The following CSMD1 variants were observed in gnomAD, a reference collection of about 807,000 sequenced individuals.
The protein encoded by CSMD1 is CUB and sushi domain-containing protein 1.
In CSMD1, 213 loss-of-function variants were observed where a neutral mutation model predicts 417.5. That is an observed-to-expected ratio of 0.51 (90% confidence interval 0.46 to 0.57). CSMD1 has a LOEUF of 0.57. CSMD1 is among the 20% of genes least tolerant of loss of function. The pLI is 0.00. For missense variants in CSMD1, 6,923 were observed against 4,529.7 expected (o/e 1.53, Z -15.17); for synonymous variants, 2,862 against 1,736.8 (o/e 1.65, Z -16.11).
intron 6 of CSMD1, among the ~76,000 whole-genome samples, chr8:3,729,939 AAAAAAAAAAAAAAAAAAAAAAAC>A (rs1457309680): frequency 0.01 from 495 of 48,986 alleles, 51 homozygotes; most frequent in South Asian, 0.089. Flanking sequence ...AAAAAAAAAA[AAAAAAAAAAAAAAAAAAAAAAAC>A]AAAAACAGAA....
At chr8:4,173,756 A>T (rs1381748670) in intron 3 of CSMD1, among the ~76,000 whole-genome samples, 2 of 152,078 alleles carry the variant, frequency 1.3e-5, no homozygotes, top group African/African-American at 4.8e-5. Context: ...ACTTATTTTC[A>T]ATATTAAAAG....
chr8:3,039,856 A>G (rs1350034425), intron 50 of CSMD1, among the ~76,000 whole-genome samples: 2 of 152,232 alleles, frequency 1.3e-5, no homozygotes, highest in Non-Finnish European at 2.9e-5. Flanking sequence ...GCCAAATATC[A>G]GCATTCATAT....
At chr8:3,978,364 C>T (rs941697243) in intron 5 of CSMD1, among the ~76,000 whole-genome samples, 4 of 152,178 alleles carry the variant, frequency 2.6e-5, no homozygotes, top group African/African-American at 9.7e-5. Flanking sequence ...ATAATTTTTA[C>T]ATCTTATTTA....
At chr8:3,812,753 C>A (rs957546481) in intron 5 of CSMD1, among the ~76,000 whole-genome samples, 3 of 152,136 alleles carry the variant, frequency 2.0e-5, no homozygotes, top group African/African-American at 7.2e-5. Context: ...CAAGTCTTGC[C>A]TATTTTAATT....
chr8:4,550,161 C>T (rs770965996), intron 2 of CSMD1, among the ~76,000 whole-genome samples: 1 of 151,814 alleles, frequency 6.6e-6, no homozygotes, highest in Non-Finnish European at 1.5e-5. Flanking sequence ...TGACGAAGGT[C>T]TCAGCAAAAG....
At position 4,136,298 on chromosome 8, in the gene CSMD1, T is replaced by A. The variant is rs1411544109; in HGVS notation, c.416-104199A>T. On this transcript the variant is annotated intron_variant, in intron 3 of 69. Coordinates refer to ENST00000635120, the MANE Select transcript of CSMD1 (RefSeq NM_033225.6). Reference sequence around the variant, plus strand: ...AGGAACACACAGGGACCATCTTTTTTTAGCTTCCAGATTTTATCACTATCT... The same window carrying A: ...AGGAACACACAGGGACCATCTTTTTATAGCTTCCAGATTTTATCACTATCT... Among the ~76,000 whole-genome samples, 4 of 152,338 alleles carry A rather than the reference T, an allele frequency of 2.6e-5. No individual in the cohort carries two copies. In the South Asian group the frequency reaches 6.2e-4, roughly 24 times the overall value.
At chr8:3,569,720 T>C (rs1280952770) in intron 10 of CSMD1, among the ~76,000 whole-genome samples, 1 of 152,200 alleles carries the variant, frequency 6.6e-6, no homozygotes, top group Non-Finnish European at 1.5e-5. Context: ...TTGGAATGTC[T>C]CCCAAGGAAT....
chr8:4,439,859 G>C (rs779432149), intron 2 of CSMD1, among the ~76,000 whole-genome samples: 1 of 152,146 alleles, frequency 6.6e-6, no homozygotes. Flanking sequence ...TCGAAAGATA[G>C]GATGGTGTAA....
chr8:3,061,123 T>C (rs1053770456), intron 49 of CSMD1, among the ~76,000 whole-genome samples: 3 of 152,188 alleles, frequency 2.0e-5, no homozygotes, highest in African/African-American at 7.2e-5. Context: ...AAGTCTGAGT[T>C]TGGTATTTGT....
At chr8:4,931,230 T>G (rs778821900) in intron 1 of CSMD1, among the ~76,000 whole-genome samples, 4 of 152,194 alleles carry the variant, frequency 2.6e-5, no homozygotes, top group Non-Finnish European at 4.4e-5. Context: ...TTTTTTAGAA[T>G]ATTGTTTTCT....
chr8:3,064,130 C>T (rs757056237), intron 49 of CSMD1, among the ~76,000 whole-genome samples: 9 of 152,214 alleles, frequency 5.9e-5, no homozygotes, highest in Non-Finnish European at 1.2e-4. Context: ...TCTTAGAGGA[C>T]ACAGGTTACT....
chr8:3,663,911 T>C (rs1798549369), intron 7 of CSMD1, among the ~76,000 whole-genome samples: 1 of 152,180 alleles, frequency 6.6e-6, no homozygotes, highest in African/African-American at 2.4e-5. Context: ...CTTTCTAAAT[T>C]AACTGAGTCA....
At chr8:3,311,143 G>T (rs1805312354) in intron 23 of CSMD1, among the ~76,000 whole-genome samples, 1 of 152,094 alleles carries the variant, frequency 6.6e-6, no homozygotes, top group South Asian at 2.1e-4. Flanking sequence ...CCATAAATAT[G>T]CTTAGGACAG....
intron 3 of CSMD1, among the ~76,000 whole-genome samples, chr8:4,338,203 T>C (rs1380803157): frequency 6.6e-6 from 1 of 152,164 alleles, no homozygotes; most frequent in South Asian, 2.1e-4. Context: ...AGATTAGAGA[T>C]GCATGTCATA....
intron 3 of CSMD1, among the ~76,000 whole-genome samples, chr8:4,065,775 A>G (rs1799214334): frequency 6.6e-6 from 1 of 152,210 alleles, no homozygotes; most frequent in South Asian, 2.1e-4. Flanking sequence ...GGGGAACTAC[A>G]GCAAATAAGA....
At chr8:4,290,599 C>T (rs1210313318) in intron 3 of CSMD1, among the ~76,000 whole-genome samples, 9 of 152,130 alleles carry the variant, frequency 5.9e-5, no homozygotes, top group Admixed American at 5.9e-4. Flanking sequence ...TACAATTTAC[C>T]AAGGACAGGT....
intron 3 of CSMD1, among the ~76,000 whole-genome samples, chr8:4,281,391 C>T (rs565469453): frequency 3.0e-4 from 46 of 152,094 alleles, no homozygotes; most frequent in African/African-American, 1.1e-3. Context: ...GGTTTTTCAC[C>T]AAAAAACAGC....
chr8:4,047,819 T>C (rs376117747), intron 3 of CSMD1, among the ~76,000 whole-genome samples: 2 of 152,090 alleles, frequency 1.3e-5, no homozygotes, highest in African/African-American at 4.8e-5. Flanking sequence ...AACACCTCAA[T>C]AAGAAAGTGG....
chr8:3,814,694 C>A (rs569786527), intron 5 of CSMD1, among the ~76,000 whole-genome samples: 10 of 152,242 alleles, frequency 6.6e-5, no homozygotes, highest in Non-Finnish European at 1.5e-4. Context: ...TAGCTTAGCC[C>A]TCTGGTGATC....
Sources: allele counts gnomAD v4.1 joint callset (sites outside exome capture counted in the v4.1 genomes callset), GRCh38; gene constraint gnomAD v4.1.1; transcripts MANE v1.5; gene names NCBI Gene and HGNC (gene_info 2026-07-23, HGNC 2026-07-21).